The following TYW3 variants were observed in gnomAD, a reference collection of about 807,000 sequenced individuals.
The protein encoded by TYW3 is tRNA wybutosine-synthesizing protein 3 homolog.
Under a neutral mutation model 23.1 loss-of-function variants are expected in TYW3, and 26 were observed. That is an observed-to-expected ratio of 1.13 (90% CI 0.83 to 1.56). TYW3 has a LOEUF of 1.56. TYW3 is among the 40% of genes most tolerant of loss of function. TYW3 has a pLI of 0.00. For synonymous variants in TYW3, 102 were observed against 105.7 expected, an observed-to-expected ratio of 0.97 and a Z score of 0.21; for missense variants, 316 against 311.9, an observed-to-expected ratio of 1.01 and a Z score of -0.10.
At chr1:74,762,455 C>G (rs1466220269) in intron 5 of TYW3, among the ~76,000 whole-genome samples, 1 of 152,000 alleles carries the variant, frequency 6.6e-6, no homozygotes, top group Admixed American at 6.6e-5. Flanking sequence ...GATTTGAGAC[C>G]TAGGATAACA....
chr1:74,736,492 T>G, intron 1 of TYW3, 50 bp from the exon 2 acceptor site: 1 of 1,400,468 alleles, frequency 7.1e-7, no homozygotes, highest in Non-Finnish European at 9.7e-7. Flanking sequence ...ATGCTTATTA[T>G]TTTTGTAAAA....
chr1:74,747,499 T>C (rs1648605688), intron 3 of TYW3, among the ~76,000 whole-genome samples: 1 of 149,898 alleles, frequency 6.7e-6, no homozygotes. Context: ...TAGCTGGGCG[T>C]AGTGGCGGGC....
chr1:74,741,423 A>G (rs1350402226), intron 3 of TYW3, among the ~76,000 whole-genome samples: 5 of 152,082 alleles, frequency 3.3e-5, no homozygotes, highest in Non-Finnish European at 7.4e-5. Flanking sequence ...GGGGGTGTCC[A>G]AAATTTAACT....
rs879512968 is a variant in TYW3, at chr1:74,758,522, G to A, written c.561-5372G>A. ...CATTTTCATGGTTCTGATTCTTATC[G>A]TCATTTACCAGCCATTTTCATGGTT... is the stretch of plus-strand genomic sequence containing the variant. On this transcript the variant is annotated intron_variant, in intron 5 of 5. Coordinates refer to ENST00000370867, the MANE Select transcript of TYW3 (RefSeq NM_138467.3). Among the ~76,000 whole-genome samples the A allele has an allele frequency of 6.1e-4, 53 of 86,744 alleles. No individual in the cohort carries two copies. The South Asian group carries it at 6.2e-3, about 10-fold the overall frequency. The allele number at this position is 86,744 out of a possible 152,430, so 56.9% of individuals were successfully genotyped here. A position where few individuals can be genotyped will look rare whatever the true frequency, so the allele number is the denominator to read the frequency against.
chr1:74,753,672 C>G lies in TYW3; in HGVS notation c.560+1247C>G, dbSNP rs531343151. On this transcript the variant is annotated intron_variant, in intron 5 of 5. Transcript: ENST00000370867. ...TCATTAGATAGTGTATTTATAATGA[C>G]TGCCCTGACCCTGTTATGTTTTGGA... 9.8e-5 allele frequency among the ~76,000 whole-genome samples: 15 copies of G among 152,316 alleles called. No individual in the cohort carries two copies. The East Asian group carries it at 2.9e-3, about 29-fold the overall frequency.
intron 2 of TYW3, among the ~76,000 whole-genome samples, chr1:74,737,187 G>A (rs1268448290): frequency 6.6e-6 from 1 of 152,170 alleles, no homozygotes. Flanking sequence ...TGGAAAGGGC[G>A]AATGGAGCTA....
intron 5 of TYW3, among the ~76,000 whole-genome samples, chr1:74,755,346 C>T (rs539010660): frequency 2.0e-5 from 3 of 152,322 alleles, no homozygotes; most frequent in Admixed American, 6.5e-5. Flanking sequence ...CTCGATTCCT[C>T]GTACTCCATT....
intron 5 of TYW3, among the ~76,000 whole-genome samples, chr1:74,763,652 TG>T (rs1649201809): frequency 6.6e-6 from 1 of 152,128 alleles, no homozygotes; most frequent in Non-Finnish European, 1.5e-5. Context: ...CCCCTACATT[TG>T]GGTTGGAAAG....
intron 1 of TYW3, chr1:74,734,321 A>T (rs1025431849): frequency 6.6e-6 from 1 of 152,178 alleles, no homozygotes; most frequent in Non-Finnish European, 1.5e-5. Flanking sequence ...GCTGCTTGGT[A>T]GCCTTCTGGG....
intron 3 of TYW3, among the ~76,000 whole-genome samples, chr1:74,740,781 T>C (rs373582536): frequency 7.2e-5 from 11 of 152,254 alleles, no homozygotes; most frequent in African/African-American, 2.4e-4. Context: ...GCATTTACAG[T>C]CCTTTAGCTA....
chr1:74,733,321 T>C lies in TYW3; in HGVS notation c.77T>C (p.Val26Ala), dbSNP rs1224621533. The C allele has an allele frequency of 1.2e-6, 2 of 1,614,094 alleles. No homozygotes were observed. Among genetic ancestry groups the C allele is most frequent in the Admixed American group, 1.7e-5 (1 of 60,002 alleles). Residue 26 changes from valine (V) to alanine (A), a missense_variant, in exon 1 of 6, where the codon GTT becomes GCT. Transcript: ENST00000370867. ...SKADLSRKGS[V>A]DEDVVELVQF... ...GCGGACCTCAGCCGGAAGGGCAGTG[T>C]TGACGAGGATGTGGTAGAGCTTGTG...
chr1:74,740,963 C>T (rs980552287), intron 3 of TYW3, among the ~76,000 whole-genome samples: 2 of 151,638 alleles, frequency 1.3e-5, no homozygotes, highest in East Asian at 2.0e-4. Context: ...GGGAATTTGG[C>T]GATGACGGCT....
intron 3 of TYW3, among the ~76,000 whole-genome samples, chr1:74,748,054 G>A (rs1648649327): frequency 6.6e-6 from 1 of 152,182 alleles, no homozygotes; most frequent in African/African-American, 2.4e-5. Flanking sequence ...TGTGGGGGCT[G>A]TCCTGTATAA....
intron 2 of TYW3, 53 bp from the exon 3 acceptor site, chr1:74,738,637 C>A: frequency 7.7e-7 from 1 of 1,292,044 alleles, no homozygotes; most frequent in South Asian, 1.7e-5. Context: ...GGTAAAGGGT[C>A]GCCAAAGGAC....
intron 3 of TYW3, 99 bp downstream of exon 3, chr1:74,738,887 A>AT: frequency 1.4e-6 from 1 of 718,304 alleles, no homozygotes; most frequent in Non-Finnish European, 2.2e-6. Context: ...ATATTACCTT[A>AT]TTCAACTAGT....
rs1166376029 is a variant in TYW3, at chr1:74,738,672, C to T, written c.256-18C>T. On this transcript the variant is annotated intron_variant, in intron 2 of 5. Transcript: ENST00000370867. The stretch of plus-strand genomic sequence containing the variant: ...CAGGCCATATACTTGCATCTGATAC[C>T]ACTGTTCATTTATTTAGATTGTAGC... 1.9e-6 allele frequency: 3 copies of T among 1,577,518 alleles called. No individual in the cohort carries two copies. Among genetic ancestry groups the T allele is most frequent in the African/African-American group, 1.3e-5 (1 of 74,438 alleles).
chr1:74,762,269 C>G (rs909284554), intron 5 of TYW3, among the ~76,000 whole-genome samples: 1 of 151,966 alleles, frequency 6.6e-6, no homozygotes. Context: ...TTATAGGCTT[C>G]GTAAGTAGAA....
At chr1:74,746,088 G>A (rs547717253) in intron 3 of TYW3, among the ~76,000 whole-genome samples, 22 of 152,340 alleles carry the variant, frequency 1.4e-4, no homozygotes, top group African/African-American at 4.8e-4. Flanking sequence ...AATTCAGTCC[G>A]TAAAAACACC....
rs144952057 is a variant in TYW3 at position 74,765,220 on chromosome 1, AT to A, written c.*1112del. 2,344 of 152,226 alleles carry A rather than the reference AT, an allele frequency of 0.015. 30 individuals are homozygous for A. The highest frequency in any genetic ancestry group is 0.05 in the East Asian group (256 of 5,166). 9.4% of individuals were successfully genotyped at this position (152,226 alleles called of 1,614,324 possible). A position where few individuals can be genotyped will look rare whatever the true frequency, so the allele number is the denominator to read the frequency against. On this transcript the variant is annotated 3_prime_UTR_variant, in exon 6 of 6. Coordinates refer to ENST00000370867, the MANE Select transcript of TYW3 (RefSeq NM_138467.3). ...GACAGCATTTGAGGAGGAATTGAAGATTTTTCTAATGAAAAGAAAAAGGGTC... is the reference window on the plus strand; with the variant it reads ...GACAGCATTTGAGGAGGAATTGAAGATTTTCTAATGAAAAGAAAAAGGGTC...
Sources: gnomAD v4.1 joint callset for allele counts (sites outside exome capture counted in the v4.1 genomes callset) on GRCh38, gnomAD v4.1.1 for gene constraint, MANE v1.5 for transcripts, NCBI Gene and HGNC (gene_info 2026-07-23, HGNC 2026-07-21) for gene names.